The following FRMPD2 variants were observed in gnomAD, a reference collection of about 807,000 sequenced individuals.
FRMPD2 encodes FERM and PDZ domain containing 2.
A neutral mutation model predicts 140.1 loss-of-function variants in FRMPD2; 96 were observed. That is an observed-to-expected ratio of 0.69 (90% CI 0.58 to 0.81). FRMPD2 has a LOEUF of 0.81. Ranked by LOEUF, FRMPD2 falls within the 40% of genes least tolerant of loss-of-function variation. The probability of loss-of-function intolerance (pLI) is 0.00; values close to 1 mark genes in which losing one functional copy is unlikely to be tolerated. For missense variants in FRMPD2, 1,240 were observed against 1,447.4 expected, an observed-to-expected ratio of 0.86 and a Z score of 2.32; for synonymous variants, 449 against 547.6, an observed-to-expected ratio of 0.82 and a Z score of 2.52.
At chr10:48,180,077 A>G (rs2812907) in intron 21 of FRMPD2, among the ~76,000 whole-genome samples, 147,728 of 151,824 alleles carry the variant, frequency 0.97, 72,020 homozygotes, top group East Asian at 1. Context: ...AGCACAGGGA[A>G]AGAGTGGAAT....
intron 12 of FRMPD2, among the ~76,000 whole-genome samples, chr10:48,212,361 A>AT (rs1839347433): frequency 6.6e-6 from 1 of 152,196 alleles, no homozygotes; most frequent in Non-Finnish European, 1.5e-5. Flanking sequence ...CACAGAACAC[A>AT]TAAGGCTTTT....
chr10:48,202,310 G>C (rs1475895768), intron 14 of FRMPD2, among the ~76,000 whole-genome samples: 1 of 152,086 alleles, frequency 6.6e-6, no homozygotes, highest in African/African-American at 2.4e-5. Flanking sequence ...AGGGCTTCCG[G>C]AAACCCCTGA....
At chr10:48,218,478 C>G (rs1334072712) in intron 12 of FRMPD2, among the ~76,000 whole-genome samples, 1 of 152,174 alleles carries the variant, frequency 6.6e-6, no homozygotes, top group Non-Finnish European at 1.5e-5. Flanking sequence ...GGAAACCATC[C>G]TTCCTCCCTC....
chr10:48,178,597 A>AGG lies in FRMPD2; in HGVS notation c.2791-447_2791-446insCC, dbSNP rs1319717929. On this transcript the variant is annotated intron_variant, in intron 21 of 28. Transcript: ENST00000374201. ...GAAGTGAGAATCTAAAGTCCACCAT[A>AGG]CCACAGAGGATCATCTGGCCACAAA... 5.8e-4 allele frequency among the ~76,000 whole-genome samples: 88 copies of AGG among 152,276 alleles called. 1 individual carries two copies. The highest frequency in any genetic ancestry group is 2.0e-3 in the African/African-American group (83 of 41,548).
intron 28 of FRMPD2, among the ~76,000 whole-genome samples, chr10:48,162,968 T>C (rs1488962559): frequency 2.1e-5 from 3 of 144,398 alleles, no homozygotes; most frequent in African/African-American, 5.2e-5. Flanking sequence ...AGCATTATAC[T>C]AGCAATAGAA....
Position 48,238,910 on chromosome 10 carries a change from G to A in FRMPD2, c.788+695C>T, listed in dbSNP as rs561214476. 1.3e-4 allele frequency among the ~76,000 whole-genome samples: 20 copies of A among 152,312 alleles called. No homozygotes were observed. In the South Asian group the frequency reaches 3.9e-3, roughly 30 times the overall value. ...TGGGGCTGGCCTTTAGGCCTGATAT[G>A]GCCAACAGAATGAAGTGGAAATGAT... On this transcript the variant is annotated intron_variant, in intron 7 of 28. Transcript: ENST00000374201.
At chr10:48,186,252 T>C (rs1838681611) in intron 17 of FRMPD2, among the ~76,000 whole-genome samples, 1 of 152,200 alleles carries the variant, frequency 6.6e-6, no homozygotes, top group Non-Finnish European at 1.5e-5. Context: ...CCCCAAATGG[T>C]GACCCACCAC....
intron 1 of FRMPD2, among the ~76,000 whole-genome samples, chr10:48,269,408 T>C (rs56061348): frequency 0.046 from 7,039 of 152,280 alleles, 534 homozygotes; most frequent in African/African-American, 0.16. Context: ...GCGTGTTGCA[T>C]GTGGATGTTG....
intron 15 of FRMPD2, among the ~76,000 whole-genome samples, chr10:48,195,818 A>G (rs1838937863): frequency 6.6e-6 from 1 of 152,240 alleles, no homozygotes; most frequent in Non-Finnish European, 1.5e-5. Flanking sequence ...ACCACTTCCC[A>G]TTTGACACAC....
At chr10:48,266,215 GA>G (rs1840675698) in intron 1 of FRMPD2, among the ~76,000 whole-genome samples, 1 of 152,120 alleles carries the variant, frequency 6.6e-6, no homozygotes, top group Non-Finnish European at 1.5e-5. Flanking sequence ...GGTCCTACTT[GA>G]GGATGAAGAC....
chr10:48,185,715 T>A, intron 17 of FRMPD2, 70 bp from the exon 18 acceptor site: 1 of 1,141,162 alleles, frequency 8.8e-7, no homozygotes, highest in Non-Finnish European at 1.3e-6. Context: ...ACAAAAGGAG[T>A]AAACAGCATT....
intron 10 of FRMPD2, among the ~76,000 whole-genome samples, chr10:48,227,794 A>G (rs1169816582): frequency 6.6e-6 from 1 of 152,236 alleles, no homozygotes; most frequent in East Asian, 1.9e-4. Context: ...CTGTTTTCTC[A>G]GAAAAACAGA....
rs1440909166 is a variant in FRMPD2, at chr10:48,184,673, A to G, written c.2477T>C (p.Ile826Thr). ...CAGACTGATGTGATTCAGGGCTAGTATCTGCCCTCCTAGAAAAATAAAACA... is the reference window on the plus strand; with the variant it reads ...CAGACTGATGTGATTCAGGGCTAGTGTCTGCCCTCCTAGAAAAATAAAACA... ...KAKTIKPGGQ[I>T]LALNHISLEG... is the part of the protein sequence containing the mutation. Residue 826 changes from isoleucine to threonine, a missense_variant, in exon 20 of 29, where the codon ATA becomes ACA. Around this residue, in one of 6 missense-constraint regions of FRMPD2, gnomAD observed 1,161 missense variants for 1,055.9 expected, o/e 1.10. Transcript: ENST00000374201. 2 of 1,611,492 alleles carry G rather than the reference A, an allele frequency of 1.2e-6. No individual in the cohort carries two copies. Among genetic ancestry groups the G allele is most frequent in the South Asian group, 2.2e-5 (2 of 90,818 alleles).
intron 10 of FRMPD2, among the ~76,000 whole-genome samples, chr10:48,229,887 G>T (rs1017312151): frequency 6.6e-6 from 1 of 152,110 alleles, no homozygotes; most frequent in Non-Finnish European, 1.5e-5. Context: ...TCACAGAAAG[G>T]ATGGAAAGAA....
chr10:48,204,082 A>G (rs1056874247), intron 14 of FRMPD2, among the ~76,000 whole-genome samples: 4 of 152,344 alleles, frequency 2.6e-5, no homozygotes, highest in Admixed American at 6.5e-5. Flanking sequence ...GTGCAGGGCC[A>G]GCAGCCAGAT....
intron 3 of FRMPD2, chr10:48,248,512 A>G (rs1426464688): frequency 1.3e-5 from 2 of 152,200 alleles, no homozygotes; most frequent in Non-Finnish European, 2.9e-5. Context: ...CTACAGCCTC[A>G]TTTTAATGGT....
chr10:48,184,814 T>C lies in FRMPD2; in HGVS notation c.2427A>G (p.Ile809Met). 1 of 1,613,954 alleles carries C rather than the reference T, an allele frequency of 6.2e-7. No individual in the cohort carries two copies. Residue 809 changes from isoleucine to methionine, a missense_variant, in exon 19 of 29, where the codon ATA becomes ATG. Physicochemically the swap from Ile to Met is conservative, Grantham distance 10. Transcript: ENST00000374201. ...TTGCTTTTTCTGCTGGTCCTCCAGGTATAATAGAAGATATAAAAATGCCAG... is the reference window on the plus strand; with the variant it reads ...TTGCTTTTTCTGCTGGTCCTCCAGGCATAATAGAAGATATAAAAATGCCAG... ...ADPGIFISSI[I>M]PGGPAEKAKT...
intron 18 of FRMPD2, among the ~76,000 whole-genome samples, chr10:48,185,101 A>C (rs1303025284): frequency 6.6e-6 from 1 of 152,218 alleles, no homozygotes; most frequent in Admixed American, 6.5e-5. Flanking sequence ...TAAAGCTAGG[A>C]ATACAAACCA....
chr10:48,207,973 C>T (rs1243906223), intron 13 of FRMPD2, among the ~76,000 whole-genome samples: 1 of 152,198 alleles, frequency 6.6e-6, no homozygotes, highest in African/African-American at 2.4e-5. Context: ...CAGCTCTTCA[C>T]ACAGGGTTCA....
Sources: gnomAD v4.1 joint callset for allele counts (sites outside exome capture counted in the v4.1 genomes callset) on GRCh38, gnomAD v4.1.1 for gene constraint, gnomAD v4.1.1 regional missense constraint, MANE v1.5 for transcripts, NCBI Gene and HGNC (gene_info 2026-07-23, HGNC 2026-07-21) for gene names.